The following OXR1 variants were observed in gnomAD, a reference collection of about 807,000 sequenced individuals.
OXR1 encodes the protein oxidation resistance 1.
Under a neutral mutation model 104.6 loss-of-function variants are expected in OXR1, and 41 were observed. That is an observed-to-expected ratio of 0.39 (90% CI 0.31 to 0.51). The LOEUF (loss-of-function observed/expected upper bound fraction) is 0.51. Ranked by LOEUF, OXR1 falls within the 20% of genes least tolerant of loss-of-function variation. The probability of loss-of-function intolerance (pLI) is 0.77; values close to 1 mark genes in which losing one functional copy is unlikely to be tolerated. For missense variants in OXR1, 955 were observed against 1,031.9 expected, an observed-to-expected ratio of 0.93 and a Z score of 1.02; for synonymous variants, 348 against 348.4, an observed-to-expected ratio of 1.00 and a Z score of 0.01.
chr8:106,697,274 C>G (rs146252824), intron 7 of OXR1, among the ~76,000 whole-genome samples: 2 of 152,130 alleles, frequency 1.3e-5, no homozygotes, highest in Non-Finnish European at 2.9e-5. Flanking sequence ...CCAACAGGCA[C>G]CTCAGAGGTG....
At chr8:106,275,286 A>G (rs1811992390) in intron 1 of OXR1, among the ~76,000 whole-genome samples, 2 of 152,164 alleles carry the variant, frequency 1.3e-5, no homozygotes, top group South Asian at 4.1e-4. Flanking sequence ...GCAAATGATT[A>G]TTGATTTTGT....
rs1428433223 is a variant in OXR1, at chr8:106,270,260, A to G, written c.-246A>G. On this transcript the variant is annotated 5_prime_UTR_variant, in exon 1 of 17. Transcript: ENST00000517566. ...GGCTGAGCCCATTCACCTCGCGGCC[A>G]CAGGAGCTCAGCGCCGGCGCCGCGC... 6.6e-6 allele frequency: 1 copy of G among 151,880 alleles called. No homozygotes were observed. Among genetic ancestry groups the G allele is most frequent in the African/African-American group, 2.4e-5 (1 of 41,404 alleles). The allele number at this position is 151,880 out of a possible 1,614,324, so 9.4% of individuals were successfully genotyped here.
chr8:106,677,889 T>A (rs1827764266), intron 3 of OXR1, among the ~76,000 whole-genome samples: 1 of 152,120 alleles, frequency 6.6e-6, no homozygotes, highest in Non-Finnish European at 1.5e-5. Flanking sequence ...GTTCAAAGTA[T>A]AGTTCAAGTT....
chr8:106,300,866 T>G (rs1204784759), intron 1 of OXR1, among the ~76,000 whole-genome samples: 1 of 152,214 alleles, frequency 6.6e-6, no homozygotes, highest in Non-Finnish European at 1.5e-5. Flanking sequence ...AACAATCTCT[T>G]CATACACTGC....
At chr8:106,392,622 A>G (rs1817627268) in intron 2 of OXR1, among the ~76,000 whole-genome samples, 1 of 152,158 alleles carries the variant, frequency 6.6e-6, no homozygotes, top group Non-Finnish European at 1.5e-5. Flanking sequence ...TTATTGCTTT[A>G]TCAGCATAAA....
intron 3 of OXR1, among the ~76,000 whole-genome samples, chr8:106,649,488 A>G (rs1824366674): frequency 6.6e-6 from 1 of 151,858 alleles, no homozygotes; most frequent in Admixed American, 6.6e-5. Flanking sequence ...ATCTAGTAAA[A>G]AATAATAATT....
intron 3 of OXR1, among the ~76,000 whole-genome samples, chr8:106,549,243 C>CT (rs746990373): frequency 1.6e-5 from 2 of 128,580 alleles, no homozygotes; most frequent in African/African-American, 2.7e-5. Flanking sequence ...ACATATCAAA[C>CT]ATTTTTTTTT....
intron 2 of OXR1, among the ~76,000 whole-genome samples, chr8:106,436,680 AT>A (rs1454085844): frequency 1.3e-5 from 2 of 152,084 alleles, no homozygotes; most frequent in African/African-American, 4.8e-5. Flanking sequence ...CCCTCTCTTC[AT>A]CTCTTTACTG....
At chr8:106,667,082 G>T (rs1349915953) in intron 3 of OXR1, among the ~76,000 whole-genome samples, 1 of 152,132 alleles carries the variant, frequency 6.6e-6, no homozygotes, top group Non-Finnish European at 1.5e-5. Flanking sequence ...TTTTACCATT[G>T]CAGAAAGTTT....
intron 2 of OXR1, among the ~76,000 whole-genome samples, chr8:106,365,466 G>T (rs1816431593): frequency 6.6e-6 from 1 of 150,584 alleles, no homozygotes; most frequent in Non-Finnish European, 1.5e-5. Flanking sequence ...CAAAACAAAA[G>T]CTCAAGAGGA....
intron 3 of OXR1, chr8:106,658,154 GCCC>G: frequency 8.0e-7 from 1 of 1,244,872 alleles, no homozygotes; most frequent in Non-Finnish European, 1.0e-6. Flanking sequence ...CGCCCCACCG[GCCC>G]CCGGCGCCGT....
chr8:106,500,467 C>T (rs1207259570), intron 2 of OXR1, among the ~76,000 whole-genome samples: 2 of 152,228 alleles, frequency 1.3e-5, no homozygotes, highest in Non-Finnish European at 2.9e-5. Flanking sequence ...TCACATACCC[C>T]TTGCTTGCTC....
At chr8:106,626,390 T>C (rs1190548901) in intron 3 of OXR1, among the ~76,000 whole-genome samples, 2 of 151,910 alleles carry the variant, frequency 1.3e-5, no homozygotes, top group African/African-American at 4.8e-5. Flanking sequence ...TTTAGTTGTA[T>C]TTCTACACAT....
intron 3 of OXR1, among the ~76,000 whole-genome samples, chr8:106,617,040 T>C (rs1205239624): frequency 6.6e-6 from 1 of 152,184 alleles, no homozygotes; most frequent in Non-Finnish European, 1.5e-5. Context: ...CACAATCCTC[T>C]CCAGGATTCT....
intron 1 of OXR1, among the ~76,000 whole-genome samples, chr8:106,332,410 G>T (rs1420463792): frequency 6.6e-6 from 1 of 152,022 alleles, no homozygotes; most frequent in African/African-American, 2.4e-5. Context: ...TTTGATTTTT[G>T]CCAATGCCCA....
chr8:106,570,955 G>A (rs927651101), intron 3 of OXR1, among the ~76,000 whole-genome samples: 3 of 151,840 alleles, frequency 2.0e-5, no homozygotes, highest in African/African-American at 7.3e-5. Flanking sequence ...GCTTGGTATG[G>A]GGTCATGCCA....
chr8:106,544,295 G>C (rs1267158414), intron 3 of OXR1, among the ~76,000 whole-genome samples: 1 of 151,636 alleles, frequency 6.6e-6, no homozygotes, highest in Non-Finnish European at 1.5e-5. Context: ...AGGTAATAAG[G>C]GAGTTCCTTA....
chr8:106,323,933 AT>A (rs1187142986), intron 1 of OXR1, among the ~76,000 whole-genome samples: 1 of 152,214 alleles, frequency 6.6e-6, no homozygotes, highest in Non-Finnish European at 1.5e-5. Flanking sequence ...TCGTTCAACC[AT>A]TGTGGAAAGC....
intron 3 of OXR1, among the ~76,000 whole-genome samples, chr8:106,557,273 G>A (rs1349662680): frequency 3.9e-5 from 6 of 152,046 alleles, no homozygotes; most frequent in Non-Finnish European, 8.8e-5. Flanking sequence ...TTCATTTCTT[G>A]CTATTCTTTT....
Sources: gnomAD v4.1 joint callset for allele counts (sites outside exome capture counted in the v4.1 genomes callset) on GRCh38, gnomAD v4.1.1 for gene constraint, MANE v1.5 for transcripts, NCBI Gene and HGNC (gene_info 2026-07-23, HGNC 2026-07-21) for gene names.